The following SORBS2 variants were observed in gnomAD, a reference collection of about 807,000 sequenced individuals.
The protein encoded by SORBS2 is sorbin and SH3 domain containing 2, also known as sorbin and SH3 domain-containing protein 2.
In SORBS2, 46 loss-of-function variants were observed where a neutral mutation model predicts 97.7. The observed-to-expected ratio is 0.47, with a 90% CI of 0.37 to 0.60. The LOEUF (loss-of-function observed/expected upper bound fraction) is 0.60, where lower values mean the gene tolerates loss of function less well. Ranked by LOEUF, SORBS2 falls within the 20% of genes least tolerant of loss-of-function variation. SORBS2 has a pLI of 0.00. For synonymous variants in SORBS2, 476 were observed against 473.4 expected (o/e 1.01, Z -0.07); for missense variants, 1,316 against 1,282.3 (o/e 1.03, Z -0.40).
chr4:185,756,684 G>A (rs1336507833), intron 2 of SORBS2, among the ~76,000 whole-genome samples: 1 of 147,184 alleles, frequency 6.8e-6, no homozygotes, highest in Non-Finnish European at 1.5e-5. Context: ...TTTAATGAAG[G>A]TTAATAAAAG....
At chr4:185,909,191 T>C (rs1485410221) in intron 1 of SORBS2, among the ~76,000 whole-genome samples, 2 of 152,194 alleles carry the variant, frequency 1.3e-5, no homozygotes, top group Non-Finnish European at 2.9e-5. Flanking sequence ...ATGTGGTATA[T>C]ATACAATGGA....
intron 1 of SORBS2, among the ~76,000 whole-genome samples, chr4:185,655,708 A>T (rs2097389088): frequency 6.6e-6 from 1 of 152,228 alleles, no homozygotes; most frequent in African/African-American, 2.4e-5. Context: ...CATTTTAAAA[A>T]TTTTAAGATG....
At chr4:185,850,348 T>A (rs1420253812) in intron 1 of SORBS2, among the ~76,000 whole-genome samples, 2 of 152,200 alleles carry the variant, frequency 1.3e-5, no homozygotes, top group African/African-American at 4.8e-5. Flanking sequence ...AACATTCTGC[T>A]GACTTGTCCC....
At chr4:185,876,211 G>T (rs1370593909) in intron 1 of SORBS2, among the ~76,000 whole-genome samples, 1 of 152,094 alleles carries the variant, frequency 6.6e-6, no homozygotes, top group Non-Finnish European at 1.5e-5. Context: ...AAGTTCAAGC[G>T]ATTTTCCTGC....
chr4:185,846,581 G>A (rs2099214667), intron 1 of SORBS2, among the ~76,000 whole-genome samples: 2 of 152,190 alleles, frequency 1.3e-5, no homozygotes, highest in African/African-American at 2.4e-5. Context: ...ACATGACTGA[G>A]ACTATCACTT....
chr4:185,894,460 G>A (rs2099244026), intron 1 of SORBS2: 2 of 152,154 alleles, frequency 1.3e-5, no homozygotes, highest in South Asian at 2.1e-4. Context: ...GAAAATTTCT[G>A]TGTAGGTTTT....
intron 3 of SORBS2, among the ~76,000 whole-genome samples, chr4:185,647,103 T>C (rs2097220451): frequency 6.6e-6 from 1 of 152,144 alleles, no homozygotes; most frequent in African/African-American, 2.4e-5. Flanking sequence ...GGATCCTTGA[T>C]CCAAAGTGAC....
At chr4:185,639,631 T>C (rs2097094381) in intron 4 of SORBS2, among the ~76,000 whole-genome samples, 1 of 152,184 alleles carries the variant, frequency 6.6e-6, no homozygotes, top group Admixed American at 6.5e-5. Context: ...AAGTTATTAC[T>C]TCTTTGATAA....
intron 1 of SORBS2, among the ~76,000 whole-genome samples, chr4:185,817,585 G>A (rs1454814521): frequency 6.6e-6 from 1 of 152,140 alleles, no homozygotes; most frequent in Admixed American, 6.5e-5. Context: ...AGGTACTTCC[G>A]GGCAACGTGC....
intron 1 of SORBS2, among the ~76,000 whole-genome samples, chr4:185,825,069 C>T (rs1294452948): frequency 1.3e-5 from 2 of 152,176 alleles, no homozygotes; most frequent in East Asian, 3.8e-4. Context: ...TGCACCCTCC[C>T]CTGGGTATAG....
Position 185,684,143 on chromosome 4 carries a change from C to T in SORBS2, c.-197-5321G>A, listed in dbSNP as rs577390675. 2.6e-5 allele frequency among the ~76,000 whole-genome samples: 4 copies of T among 152,098 alleles called. No homozygotes were observed. The South Asian group carries it at 8.3e-4, about 32-fold the overall frequency. On this transcript the variant is annotated intron_variant, in intron 2 of 20. Coordinates refer to the SORBS2 transcript ENST00000284776. The surrounding 1 kb of genome is among the most constrained non-coding windows in gnomAD (Gnocchi z 4.2). Reference sequence around the variant, plus strand: ...GCACCCCCTCCCAGTGCAGACTGTGCCTTAGGTACTGTGCCTAACTTCGGT... The same window carrying T: ...GCACCCCCTCCCAGTGCAGACTGTGTCTTAGGTACTGTGCCTAACTTCGGT...
chr4:185,614,789 CAAACAAACAA>C, intron 11 of SORBS2, 32 bp downstream of exon 23: 1 of 1,608,266 alleles, frequency 6.2e-7, no homozygotes, highest in Non-Finnish European at 8.5e-7. Context: ...CACTGAAGAA[CAAACAAACAA>C]AAACAAACAA....
chr4:185,838,376 G>T (rs1008212397), intron 1 of SORBS2, among the ~76,000 whole-genome samples: 1 of 152,252 alleles, frequency 6.6e-6, no homozygotes, highest in East Asian at 1.9e-4. Context: ...CATGCCAGGG[G>T]CGTCAGAACC....
At chr4:185,726,064 A>T (rs1201785745) in intron 2 of SORBS2, among the ~76,000 whole-genome samples, 1 of 152,164 alleles carries the variant, frequency 6.6e-6, no homozygotes, top group Non-Finnish European at 1.5e-5. Context: ...TCTGGGTAGT[A>T]GGAGTGTCAG....
intron 4 of SORBS2, among the ~76,000 whole-genome samples, chr4:185,666,782 T>G (rs910545984): frequency 6.6e-6 from 1 of 152,312 alleles, no homozygotes; most frequent in South Asian, 2.1e-4. Context: ...AATTGGACTT[T>G]AAAATATCCT....
At position 185,754,196 on chromosome 4, in the gene SORBS2, A is replaced by G. The variant is rs577969895; in HGVS notation, c.-198+21031T>C. ...CATTTTCTAAGCAAACTAACACAGG[A>G]GAAGAAAACCAAATTCTACATGTTC... On this transcript the variant is annotated intron_variant, in intron 2 of 20. Coordinates refer to the SORBS2 transcript ENST00000284776. Among the ~76,000 whole-genome samples, 8 of 152,304 alleles carry G rather than the reference A, an allele frequency of 5.3e-5. No homozygotes were observed. In the East Asian group the frequency reaches 1.5e-3, roughly 29 times the overall value.
intron 1 of SORBS2, among the ~76,000 whole-genome samples, chr4:185,806,136 G>A (rs745770439): frequency 2.0e-5 from 3 of 152,214 alleles, no homozygotes; most frequent in African/African-American, 2.4e-5. Context: ...CCATGCAGCC[G>A]AAGGCTTAAT....
At chr4:185,774,542 G>A (rs543036976) in intron 2 of SORBS2, 15 of 152,136 alleles carry the variant, frequency 9.9e-5, no homozygotes, top group Non-Finnish European at 1.9e-4. Flanking sequence ...CGTAACGAGG[G>A]GGAGAGGGGA....
At chr4:185,955,842 T>C (rs758264550) in intron 1 of SORBS2, among the ~76,000 whole-genome samples, 1 of 152,138 alleles carries the variant, frequency 6.6e-6, no homozygotes, top group Non-Finnish European at 1.5e-5. Flanking sequence ...TTTGAGATAC[T>C]AGACCCTCCA....
Sources: allele counts gnomAD v4.1 joint callset (sites outside exome capture counted in the v4.1 genomes callset), GRCh38; gene constraint gnomAD v4.1.1; non-coding constraint Gnocchi (gnomAD v3.1); transcripts MANE v1.5; gene names NCBI Gene and HGNC (gene_info 2026-07-23, HGNC 2026-07-21).